Variants in ATP2C2 observed in about 807,000 individuals in gnomAD.
The protein encoded by ATP2C2 is calcium-transporting ATPase type 2C member 2.
Under a neutral mutation model 110.8 loss-of-function variants are expected in ATP2C2, and 171 were observed. The ratio of observed to expected loss-of-function variants is 1.54; its 90% CI spans 1.36 to 1.75. ATP2C2 has a LOEUF of 1.75. Among genes scored for constraint, ATP2C2 ranks in the 40% most tolerant of loss-of-function variants. The probability of loss-of-function intolerance (pLI) is 0.00; values close to 1 mark genes in which losing one functional copy is unlikely to be tolerated. For synonymous variants in ATP2C2, 804 were observed against 508.4 expected (o/e 1.58, Z -7.82); for missense variants, 1,963 against 1,235.0 (o/e 1.59, Z -8.84).
chr16:84,418,311 G>T (rs890514907), intron 7 of ATP2C2, among the ~76,000 whole-genome samples: 34 of 151,956 alleles, frequency 2.2e-4, no homozygotes, highest in Non-Finnish European at 1.2e-4. Context: ...CTCTATTTTC[G>T]CCCCTCACCC....
intron 2 of ATP2C2, among the ~76,000 whole-genome samples, chr16:84,399,693 A>C (rs904542268): frequency 2.0e-5 from 3 of 152,170 alleles, no homozygotes; most frequent in Non-Finnish European, 4.4e-5. Flanking sequence ...TGATACAGGC[A>C]TACGCTATAA....
At position 84,454,930 on chromosome 16, in the gene ATP2C2, T is replaced by C; in HGVS notation, c.2093T>C (p.Val698Ala). The part of the protein sequence containing the change: ...GIAMGQTGTD[V>A]SKEAANMILV... The stretch of plus-strand genomic sequence containing the variant: ...GCCATGGGGCAGACAGGGACGGACG[T>C]CAGCAAAGAGGCCGCCAACATGATC... The change falls in exon 21 of 27, where the codon GTC becomes GCC. Residue 698 changes from valine to alanine, a missense_variant. By Grantham distance (64) the Val-to-Ala change is moderately conservative. Coordinates refer to ENST00000262429, the MANE Select transcript of ATP2C2 (RefSeq NM_014861.4). 6.2e-7 allele frequency: 1 copy of C among 1,613,968 alleles called. No homozygotes were observed. The highest frequency in any genetic ancestry group is 2.2e-5 in the East Asian group (1 of 44,860).
chr16:84,442,690 A>T (rs540520081), intron 15 of ATP2C2, 91 bp downstream of exon 15: 2 of 1,272,900 alleles, frequency 1.6e-6, no homozygotes, highest in Admixed American at 3.4e-5. Context: ...AGCTAACAGG[A>T]GTGGGGACGT....
rs185382204 is a variant in ATP2C2, at chr16:84,378,742, G to A, written c.99+10028G>A. Among the ~76,000 whole-genome samples, 77 of 152,300 alleles carry A rather than the reference G, an allele frequency of 5.1e-4. 1 individual carries two copies. The highest frequency in any genetic ancestry group is 6.8e-3 in the Middle Eastern group (2 of 294). ...TGATTGTCAGGCTCACTGCAAAACG[G>A]CCCCCTCCTTGAAAAATGACTAAGA... is the stretch of plus-strand genomic sequence containing the variant. On this transcript the variant is annotated intron_variant, in intron 1 of 26. Coordinates refer to ENST00000262429, the MANE Select transcript of ATP2C2 (RefSeq NM_014861.4).
intron 26 of ATP2C2, 172 bp downstream of exon 26, chr16:84,462,301 G>T: frequency 1.2e-6 from 1 of 832,436 alleles, no homozygotes. Context: ...ACTCTAACGT[G>T]GGTGATGTGA....
intron 3 of ATP2C2, among the ~76,000 whole-genome samples, chr16:84,406,200 A>G (rs761192553): frequency 1.2e-4 from 18 of 152,190 alleles, no homozygotes; most frequent in Non-Finnish European, 2.5e-4. Context: ...TGAATGGCAC[A>G]CAATCAAATG....
In ATP2C2 at chr16:84,459,567, G is replaced by C. The variant is rs771897322; in HGVS notation, c.2333+181G>C. On this transcript the variant is annotated intron_variant, in intron 23 of 26. Coordinates refer to ENST00000262429, the MANE Select transcript of ATP2C2 (RefSeq NM_014861.4). Reference sequence around the variant, plus strand: ...GAGACTGGGAGTAGAAGGCAGAGGAGAAAGTACCTGGGCCGGCAGAGCTGG... The same window carrying C: ...GAGACTGGGAGTAGAAGGCAGAGGACAAAGTACCTGGGCCGGCAGAGCTGG... 5.2e-6 allele frequency: 8 copies of C among 1,536,654 alleles called. No homozygotes were observed. In the Admixed American group the frequency reaches 5.9e-5, roughly 11 times the overall value.
rs753698448 is a variant in ATP2C2, at chr16:84,446,369, A to G, written c.1442A>G (p.Lys481Arg). 3.1e-6 allele frequency: 5 copies of G among 1,604,396 alleles called. No homozygotes were observed. Among genetic ancestry groups the G allele is most frequent in the Non-Finnish European group, 4.2e-6 (5 of 1,176,722 alleles). ...ATTAAAAATTCATATATAAGAAAAA[A>G]AGAGATTCCATTCAGTTCAGAGCAG... is the stretch of plus-strand genomic sequence containing the variant. ...SDIKNSYIRK[K>R]EIPFSSEQKW... is the part of the protein sequence containing the mutation. The change falls in exon 16 of 27, where the codon AAA becomes AGA. Residue 481 changes from lysine to arginine, a missense_variant. Lys to Arg is a conservative substitution (Grantham distance 26). Coordinates refer to ENST00000262429, the MANE Select transcript of ATP2C2 (RefSeq NM_014861.4).
intron 2 of ATP2C2, among the ~76,000 whole-genome samples, chr16:84,403,488 T>G (rs1158799664): frequency 1.3e-5 from 2 of 152,022 alleles, no homozygotes; most frequent in Non-Finnish European, 2.9e-5. Context: ...AAAATTTTTT[T>G]GTAGAGCCAA....
At chr16:84,444,391 T>G (rs954011981) in intron 15 of ATP2C2, among the ~76,000 whole-genome samples, 3 of 151,956 alleles carry the variant, frequency 2.0e-5, no homozygotes, top group Non-Finnish European at 4.4e-5. Context: ...GAGAATTGCT[T>G]GAACCCAGGA....
chr16:84,410,661 AG>A (rs1211265864), intron 5 of ATP2C2, 42 bp from the exon 6 acceptor site: 7 of 1,613,496 alleles, frequency 4.3e-6, no homozygotes, highest in Non-Finnish European at 5.1e-6. Flanking sequence ...AGCTTCATGG[AG>A]TCCCCACCTT....
At chr16:84,411,697 C>A (rs1416188112) in intron 6 of ATP2C2, among the ~76,000 whole-genome samples, 1 of 152,208 alleles carries the variant, frequency 6.6e-6, no homozygotes, top group Non-Finnish European at 1.5e-5. Context: ...CTGCCTCAGC[C>A]TCCTAAAGTA....
chr16:84,427,704 A>G lies in ATP2C2; in HGVS notation c.986+1903A>G, dbSNP rs141972880. 8.2e-3 allele frequency among the ~76,000 whole-genome samples: 1,255 copies of G among 152,216 alleles called. 20 individuals carry two copies. The highest frequency in any genetic ancestry group is 0.028 in the African/African-American group (1,151 of 41,528). On this transcript the variant is annotated intron_variant, in intron 11 of 26. Transcript: ENST00000262429. Reference sequence around the variant, plus strand: ...TGCCCTCCAGCCTGGGTGACAGAGCAAGAGACTGTCTGAAAAAAGAAACAA... The same window carrying G: ...TGCCCTCCAGCCTGGGTGACAGAGCGAGAGACTGTCTGAAAAAAGAAACAA...
intron 7 of ATP2C2, among the ~76,000 whole-genome samples, chr16:84,417,362 C>G (rs916745350): frequency 6.6e-6 from 1 of 152,134 alleles, no homozygotes; most frequent in Non-Finnish European, 1.5e-5. Context: ...CTCCTCATCT[C>G]TAAAAGGGGC....
At chr16:84,455,751 GAAAA>G in intron 21 of ATP2C2, among the ~76,000 whole-genome samples, 1 of 140,368 alleles carries the variant, frequency 7.1e-6, no homozygotes, top group Middle Eastern at 3.6e-3. Context: ...AACACACTTA[GAAAA>G]AAAAAAAAAA....
rs748372782 is a variant in ATP2C2 at position 84,459,213 on chromosome 16, T to G, written c.2216+25T>G. 51 of 1,614,006 alleles carry G rather than the reference T, an allele frequency of 3.2e-5. No individual in the cohort carries two copies. The South Asian group carries it at 5.4e-4, about 17-fold the overall frequency. ...CGTAAGTAGAGGCCAGCATTCCGAG[T>G]GTCATTAAGCACCACGCCTGGCGGG... On this transcript the variant is annotated intron_variant, in intron 22 of 26. Coordinates refer to ENST00000262429, the MANE Select transcript of ATP2C2 (RefSeq NM_014861.4).
chr16:84,400,818 C>T (rs58650520), intron 2 of ATP2C2, among the ~76,000 whole-genome samples: 62,009 of 152,040 alleles, frequency 0.41, 13,257 homozygotes, highest in South Asian at 0.6. Context: ...TCTCTGATCA[C>T]AGATGGTGAG....
At chr16:84,374,319 C>T (rs1211204968) in intron 1 of ATP2C2, among the ~76,000 whole-genome samples, 1 of 152,184 alleles carries the variant, frequency 6.6e-6, no homozygotes, top group Non-Finnish European at 1.5e-5. Flanking sequence ...CAGTGTGTGT[C>T]AGCCTTCACT....
Position 84,425,776 on chromosome 16 carries a change from C to A in ATP2C2, c.961C>A (p.Leu321Met), listed in dbSNP as rs1367249911. ...LIGWSQGKQL[L>M]SMFTIGVSLA... ...TGGCTGGTCGCAAGGGAAACAACTCCTGAGTATGTTCACGATCGGGGTCAG... is the reference window on the plus strand; with the variant it reads ...TGGCTGGTCGCAAGGGAAACAACTCATGAGTATGTTCACGATCGGGGTCAG... The change falls in exon 11 of 27, where the codon CTG becomes ATG. Residue 321 changes from leucine (L) to methionine (M), a missense_variant. Leu to Met is a conservative substitution (Grantham distance 15, BLOSUM62 2). Transcript: ENST00000262429. 3 of 1,614,160 alleles carry A rather than the reference C, an allele frequency of 1.9e-6. No individual in the cohort carries two copies. The highest frequency in any genetic ancestry group is 1.7e-6 in the Non-Finnish European group (2 of 1,180,044).
Sources: gnomAD v4.1 joint callset for allele counts (sites outside exome capture counted in the v4.1 genomes callset) on GRCh38, gnomAD v4.1.1 for gene constraint, MANE v1.5 for transcripts, NCBI Gene and HGNC (gene_info 2026-07-23, HGNC 2026-07-21) for gene names.